ANKS1B: variants seen among roughly 807,000 people sequenced by gnomAD.
ANKS1B encodes the protein ankyrin repeat and sterile alpha motif domain containing 1B.
Under a neutral mutation model 148.3 loss-of-function variants are expected in ANKS1B, and 36 were observed. That is an observed-to-expected ratio of 0.24 (90% CI 0.19 to 0.32). The LOEUF is 0.32. Ranked by LOEUF, ANKS1B falls within the 10% of genes least tolerant of loss-of-function variation. ANKS1B has a pLI of 1.00. For missense variants in ANKS1B, 1,157 were observed against 1,542.6 expected (o/e 0.75, Z 4.19); for synonymous variants, 542 against 560.8 (o/e 0.97, Z 0.47).
At chr12:99,558,167 A>T (rs1030765456) in intron 9 of ANKS1B, among the ~76,000 whole-genome samples, 1 of 152,126 alleles carries the variant, frequency 6.6e-6, no homozygotes, top group African/African-American at 2.4e-5. Context: ...ATGCACACAC[A>T]TGATGGGGTC....
chr12:98,985,609 T>C (rs2099922861), intron 17 of ANKS1B, among the ~76,000 whole-genome samples: 1 of 151,714 alleles, frequency 6.6e-6, no homozygotes, highest in Non-Finnish European at 1.5e-5. Flanking sequence ...AATATAATAA[T>C]ATATATTATT....
intron 10 of ANKS1B, among the ~76,000 whole-genome samples, chr12:99,494,679 G>A (rs1456524880): frequency 7.2e-6 from 1 of 139,692 alleles, no homozygotes; most frequent in Non-Finnish European, 1.5e-5. Context: ...CTTGTAGTGA[G>A]CCGAGATCGT....
intron 8 of ANKS1B, among the ~76,000 whole-genome samples, chr12:99,745,196 A>G (rs989548978): frequency 1.3e-5 from 2 of 152,052 alleles, no homozygotes; most frequent in African/African-American, 4.8e-5. Flanking sequence ...ATAAGGAAAC[A>G]TAACATAACT....
intron 17 of ANKS1B, among the ~76,000 whole-genome samples, chr12:99,012,529 A>C (rs1195568451): frequency 6.6e-6 from 1 of 152,234 alleles, no homozygotes; most frequent in Non-Finnish European, 1.5e-5. Context: ...TCCAAAAGAC[A>C]AAATTCTATC....
intron 9 of ANKS1B, among the ~76,000 whole-genome samples, chr12:99,514,746 C>T (rs372776677): frequency 1.3e-5 from 2 of 151,936 alleles, no homozygotes; most frequent in African/African-American, 4.8e-5. Flanking sequence ...CTCTGCACAT[C>T]GTTAGGTAGT....
intron 9 of ANKS1B, among the ~76,000 whole-genome samples, chr12:99,514,951 G>A (rs1183378333): frequency 6.6e-6 from 1 of 151,702 alleles, no homozygotes; most frequent in Admixed American, 6.6e-5. Context: ...TAGCAATATT[G>A]GGCTCAAAAT....
chr12:98,868,200 C>T (rs935259165), intron 17 of ANKS1B, among the ~76,000 whole-genome samples: 6 of 152,054 alleles, frequency 3.9e-5, no homozygotes, highest in East Asian at 1.9e-4. Context: ...GATAAAAACC[C>T]GTAATTCAAG....
intron 8 of ANKS1B, among the ~76,000 whole-genome samples, chr12:99,665,985 T>G (rs991679463): frequency 3.3e-5 from 5 of 152,216 alleles, no homozygotes; most frequent in Non-Finnish European, 5.9e-5. Flanking sequence ...TTAATTTTCA[T>G]GTACAGCATG....
intron 18 of ANKS1B, among the ~76,000 whole-genome samples, chr12:98,830,692 C>A (rs1256728518): frequency 6.6e-6 from 1 of 152,118 alleles, no homozygotes; most frequent in Non-Finnish European, 1.5e-5. Context: ...CAAGCAAGTG[C>A]AGGACAAAAT....
chr12:98,768,426 T>TA (rs386377533), intron 25 of ANKS1B, among the ~76,000 whole-genome samples: 4,451 of 46,670 alleles, frequency 0.095, 765 homozygotes, highest in African/African-American at 0.14. Flanking sequence ...GGGTGCTCTC[T>TA]AAAAAAAAAA....
intron 12 of ANKS1B, among the ~76,000 whole-genome samples, chr12:99,379,886 G>T (rs749474196): frequency 6.6e-6 from 1 of 152,190 alleles, no homozygotes; most frequent in Non-Finnish European, 1.5e-5. Flanking sequence ...TCTGAAAGTT[G>T]TATGAATTTC....
chr12:99,850,316 T>TCTCTCA (rs1237323146), intron 1 of ANKS1B, among the ~76,000 whole-genome samples: 2 of 151,232 alleles, frequency 1.3e-5, no homozygotes, highest in Non-Finnish European at 2.9e-5. Flanking sequence ...TCTCTCTCTC[T>TCTCTCA]CTCACCTACT....
At chr12:98,953,303 G>C (rs550782825) in intron 17 of ANKS1B, among the ~76,000 whole-genome samples, 1 of 152,078 alleles carries the variant, frequency 6.6e-6, no homozygotes, top group Non-Finnish European at 1.5e-5. Context: ...CTACAGGTGT[G>C]AGCCACTGCG....
chr12:99,002,896 G>T (rs988996304), intron 17 of ANKS1B, among the ~76,000 whole-genome samples: 1 of 152,034 alleles, frequency 6.6e-6, no homozygotes, highest in Non-Finnish European at 1.5e-5. Flanking sequence ...TCATATCTAT[G>T]AAATCCTTGC....
chr12:99,883,350 C>A (rs1398688481), intron 1 of ANKS1B, among the ~76,000 whole-genome samples: 1 of 151,674 alleles, frequency 6.6e-6, no homozygotes, highest in Non-Finnish European at 1.5e-5. Context: ...AACAAACAAA[C>A]AAAAAAAGAA....
intron 14 of ANKS1B, among the ~76,000 whole-genome samples, chr12:99,162,396 T>TA (rs1300216871): frequency 6.6e-6 from 1 of 152,130 alleles, no homozygotes; most frequent in African/African-American, 2.4e-5. Flanking sequence ...AAACAAATCT[T>TA]AAAATTTCTT....
At chr12:99,440,948 T>C (rs1002527454) in intron 11 of ANKS1B, among the ~76,000 whole-genome samples, 14 of 151,978 alleles carry the variant, frequency 9.2e-5, no homozygotes, top group Middle Eastern at 3.4e-3. Context: ...CTTCCCACAA[T>C]AAAAGACTGA....
chr12:99,114,678 G>A (rs904297584), intron 15 of ANKS1B, among the ~76,000 whole-genome samples: 15 of 152,074 alleles, frequency 9.9e-5, no homozygotes, highest in Admixed American at 3.9e-4. Flanking sequence ...CTTGAACCTG[G>A]GAGATGGAGG....
At position 98,736,176 on chromosome 12, in the gene ANKS1B, T is replaced by C. The variant is rs373941738; in HGVS notation, c.691-542A>G. Among the ~76,000 whole-genome samples the C allele has an allele frequency of 6.0e-4, 91 of 152,290 alleles. 1 individual carries two copies. The highest frequency in any genetic ancestry group is 1.7e-3 in the African/African-American group (70 of 41,566). ...AGGAGTTTTGAGCAGTGGTCTGATT[T>C]AAGCTTTAACGAATCACCCAGGCAG... On this transcript the variant is annotated intron_variant, in intron 9 of 9. Coordinates refer to the ANKS1B transcript ENST00000341752.
Sources: allele counts gnomAD v4.1 joint callset (sites outside exome capture counted in the v4.1 genomes callset), GRCh38; gene constraint gnomAD v4.1.1; transcripts MANE v1.5; gene names NCBI Gene and HGNC (gene_info 2026-07-23, HGNC 2026-07-21).